IL1RAPL1: variants seen among roughly 807,000 people sequenced by gnomAD.
IL1RAPL1 encodes interleukin-1 receptor accessory protein-like 1.
Under a neutral mutation model 48.4 loss-of-function variants are expected in IL1RAPL1, and 3 were observed. The observed-to-expected ratio is 0.06, with a 90% CI of 0.03 to 0.16. IL1RAPL1 has a LOEUF of 0.16. IL1RAPL1 is among the 10% of genes least tolerant of loss of function. The pLI, the probability that IL1RAPL1 is intolerant of heterozygous loss-of-function variation, is 1.00. For missense variants in IL1RAPL1, 349 were observed against 530.6 expected, an observed-to-expected ratio of 0.66 and a Z score of 3.36; for synonymous variants, 185 against 187.7, an observed-to-expected ratio of 0.99 and a Z score of 0.12.
chrX:28,739,538 C>A (rs1381857082), intron 1 of IL1RAPL1, among the ~76,000 whole-genome samples: 1 of 111,672 alleles, frequency 9.0e-6, no homozygotes, highest in Non-Finnish European at 1.9e-5. Flanking sequence ...CTAGACTAGG[C>A]TATCAAGGCA....
At chrX:29,284,971 T>G (rs1053162980) in intron 3 of IL1RAPL1, among the ~76,000 whole-genome samples, 1 of 111,934 alleles carries the variant, frequency 8.9e-6, no homozygotes, top group Non-Finnish European at 1.9e-5. Flanking sequence ...ATATCTGCTG[T>G]GTTTCTTTTT....
intron 6 of IL1RAPL1, among the ~76,000 whole-genome samples, chrX:29,821,253 C>A (rs1019210559): frequency 1.8e-5 from 2 of 110,006 alleles, no homozygotes; most frequent in South Asian, 7.9e-4. Flanking sequence ...ATTGAGACTA[C>A]CCTGGCTAAC....
intron 5 of IL1RAPL1, among the ~76,000 whole-genome samples, chrX:29,535,134 CAAA>C (rs35842937): frequency 7.1e-4 from 16 of 22,585 alleles, no homozygotes; most frequent in Non-Finnish European, 9.3e-4. Flanking sequence ...ACTCTGTCTC[CAAA>C]AAAAAAAAAA....
chrX:29,769,429 T>TG (rs1928996029), intron 6 of IL1RAPL1, among the ~76,000 whole-genome samples: 1 of 42,262 alleles, frequency 2.4e-5, no homozygotes, highest in Non-Finnish European at 4.2e-5. Flanking sequence ...GCCAAACAGT[T>TG]TTTTTTTTTT....
chrX:29,292,468 T>A (rs1239630840), intron 3 of IL1RAPL1, among the ~76,000 whole-genome samples: 1 of 112,087 alleles, frequency 8.9e-6, no homozygotes, highest in South Asian at 3.6e-4. Flanking sequence ...AAGTAATTTT[T>A]AAAAATCTGT....
intron 1 of IL1RAPL1, among the ~76,000 whole-genome samples, chrX:28,691,395 G>A (rs1414865206): frequency 8.9e-6 from 1 of 111,735 alleles, no homozygotes; most frequent in Non-Finnish European, 1.9e-5. Flanking sequence ...TGACCACCCT[G>A]ACTACATAAA....
chrX:29,364,429 G>A (rs1933418146), intron 3 of IL1RAPL1, among the ~76,000 whole-genome samples: 1 of 109,289 alleles, frequency 9.2e-6, no homozygotes, highest in African/African-American at 3.3e-5. Flanking sequence ...CAGGCATGGT[G>A]GTGGGCACCT....
rs80223502 is a variant in IL1RAPL1, at chrX:29,741,159, A to AT, written c.778+72658dup. On this transcript the variant is annotated intron_variant, in intron 6 of 10. Coordinates refer to ENST00000378993, the MANE Select transcript of IL1RAPL1 (RefSeq NM_014271.4). ...CTGTGGAGATTAGATATTAGTTTTAATTTATGACATTTGGCAATTGTAAAC... is the reference window on the plus strand; with the variant it reads ...CTGTGGAGATTAGATATTAGTTTTAATTTTATGACATTTGGCAATTGTAAAC... 1.0e-3 allele frequency among the ~76,000 whole-genome samples: 118 copies of AT among 112,614 alleles called. 3 individuals are homozygous for AT. In the East Asian group the frequency reaches 0.03, roughly 29 times the overall value.
At chrX:29,645,225 C>G (rs1925283755) in intron 5 of IL1RAPL1, among the ~76,000 whole-genome samples, 1 of 111,455 alleles carries the variant, frequency 9.0e-6, no homozygotes, top group Non-Finnish European at 1.9e-5. Flanking sequence ...GAATAGGACT[C>G]TCCAGCCATT....
intron 1 of IL1RAPL1, among the ~76,000 whole-genome samples, chrX:28,764,166 A>T (rs1936208346): frequency 9.0e-6 from 1 of 111,662 alleles, no homozygotes; most frequent in African/African-American, 3.3e-5. Flanking sequence ...AGAAAGAAAA[A>T]TAATTATTTA....
intron 1 of IL1RAPL1, among the ~76,000 whole-genome samples, chrX:28,771,953 A>AG (rs972711382): frequency 5.7e-4 from 62 of 109,292 alleles, no homozygotes; most frequent in Non-Finnish European, 9.9e-4. Flanking sequence ...AAAAAAAAAA[A>AG]AAAAAAGAAA....
At chrX:28,716,047 A>G (rs1483285619) in intron 1 of IL1RAPL1, among the ~76,000 whole-genome samples, 4 of 112,437 alleles carry the variant, frequency 3.6e-5, no homozygotes, top group Non-Finnish European at 7.5e-5. Context: ...AAATCAGTAA[A>G]TGTGATTCAT....
intron 5 of IL1RAPL1, among the ~76,000 whole-genome samples, chrX:29,554,783 A>G (rs1921936329): frequency 8.9e-6 from 1 of 111,800 alleles, no homozygotes; most frequent in South Asian, 3.7e-4. Context: ...CCTCAAAAAA[A>G]AAATCAGTGA....
At chrX:29,546,263 C>T (rs1429361208) in intron 5 of IL1RAPL1, among the ~76,000 whole-genome samples, 1 of 111,374 alleles carries the variant, frequency 9.0e-6, no homozygotes, top group Non-Finnish European at 1.9e-5. Context: ...TTTTTTAGAA[C>T]CCTTAGGAAG....
intron 1 of IL1RAPL1, among the ~76,000 whole-genome samples, chrX:28,770,087 G>T (rs780388182): frequency 2.7e-5 from 3 of 111,805 alleles, no homozygotes; most frequent in Non-Finnish European, 5.6e-5. Flanking sequence ...CATGTAGGAG[G>T]ACTGTTTTCA....
At chrX:28,999,635 C>T (rs765221528) in intron 2 of IL1RAPL1, among the ~76,000 whole-genome samples, 19 of 111,794 alleles carry the variant, frequency 1.7e-4, no homozygotes, top group Admixed American at 2.9e-4. Flanking sequence ...TTTTGAAGTT[C>T]AACATTCATT....
At chrX:29,072,895 G>A (rs944518676) in intron 2 of IL1RAPL1, among the ~76,000 whole-genome samples, 6 of 111,516 alleles carry the variant, frequency 5.4e-5, no homozygotes, top group African/African-American at 1.3e-4. Context: ...TGCAAAACCC[G>A]AGGAAGGCCT....
chrX:29,748,135 T>A (rs1317089411), intron 6 of IL1RAPL1, among the ~76,000 whole-genome samples: 1 of 112,321 alleles, frequency 8.9e-6, no homozygotes, highest in Non-Finnish European at 1.9e-5. Context: ...CTGTTCATAA[T>A]GCCGAGCATA....
At chrX:29,033,322 CA>C (rs1334345555) in intron 2 of IL1RAPL1, among the ~76,000 whole-genome samples, 1 of 110,788 alleles carries the variant, frequency 9.0e-6, no homozygotes, top group Non-Finnish European at 1.9e-5. Context: ...TGGATTTTCA[CA>C]AAAAAATATT....
Sources: allele counts gnomAD v4.1 joint callset (sites outside exome capture counted in the v4.1 genomes callset), GRCh38; gene constraint gnomAD v4.1.1; transcripts MANE v1.5; gene names NCBI Gene and HGNC (gene_info 2026-07-23, HGNC 2026-07-21).